SYNJ2: variants seen among roughly 807,000 people sequenced by gnomAD.
SYNJ2 encodes the protein synaptojanin 2.
A neutral mutation model predicts 141.3 loss-of-function variants in SYNJ2; 116 were observed. That is an observed-to-expected ratio of 0.82 (90% CI 0.71 to 0.96). The LOEUF is 0.96. Among genes scored for constraint, SYNJ2 ranks in the 40% least tolerant of loss-of-function variants. SYNJ2 has a pLI of 0.00. For synonymous variants in SYNJ2, 745 were observed against 777.7 expected, an observed-to-expected ratio of 0.96 and a Z score of 0.70; for missense variants, 1,873 against 1,934.8, an observed-to-expected ratio of 0.97 and a Z score of 0.60.
intron 12 of SYNJ2, among the ~76,000 whole-genome samples, chr6:158,068,283 T>C (rs909492110): frequency 2.6e-5 from 4 of 151,550 alleles, no homozygotes; most frequent in Non-Finnish European, 4.4e-5. Flanking sequence ...CCTGGGGAGG[T>C]GGGCCTCTCA....
chr6:158,005,943 T>C (rs1678741701), intron 1 of SYNJ2, among the ~76,000 whole-genome samples: 1 of 152,178 alleles, frequency 6.6e-6, no homozygotes, highest in South Asian at 2.1e-4. Context: ...GTGCTACCTG[T>C]GTGCAGATGC....
chr6:157,992,581 A>G (rs1777490577), intron 1 of SYNJ2, among the ~76,000 whole-genome samples: 4 of 151,822 alleles, frequency 2.6e-5, no homozygotes, highest in Admixed American at 2.6e-4. Context: ...TATTTTTAGT[A>G]GAGACAGGGT....
chr6:158,031,996 G>A (rs988042873), intron 3 of SYNJ2, among the ~76,000 whole-genome samples: 8 of 152,220 alleles, frequency 5.3e-5, no homozygotes, highest in African/African-American at 1.9e-4. Flanking sequence ...TCGGAAGCTG[G>A]CTTATCATCT....
chr6:158,071,364 A>G lies in SYNJ2; in HGVS notation c.1941-238A>G, dbSNP rs1265136999. 6.6e-6 allele frequency among the ~76,000 whole-genome samples: 1 copy of G among 152,108 alleles called. No homozygotes were observed. Among genetic ancestry groups the G allele is most frequent in the African/African-American group, 2.4e-5 (1 of 41,404 alleles). On this transcript the variant is annotated intron_variant, in intron 14 of 26. Coordinates refer to ENST00000355585, the MANE Select transcript of SYNJ2 (RefSeq NM_003898.4). This position sits in a 1 kb window ranked among gnomAD's most constrained non-coding sequence, Gnocchi z 4.3. ...TGTCTTCGGCTTCATGGGGTGCTCA[A>G]GTGAGCACTTCCCAGTTGGGGTGTG...
At chr6:158,008,441 G>C (rs939203050) in intron 1 of SYNJ2, among the ~76,000 whole-genome samples, 18 of 152,216 alleles carry the variant, frequency 1.2e-4, no homozygotes, top group Non-Finnish European at 4.4e-5. Context: ...CAGCTTTCTA[G>C]GTCTTGAGCC....
intron 5 of SYNJ2, among the ~76,000 whole-genome samples, chr6:158,044,217 C>T (rs1780114191): frequency 6.6e-6 from 1 of 152,202 alleles, no homozygotes. Context: ...CTACTGGGGC[C>T]CAGAGTGCCA....
chr6:158,071,738 G>A lies in SYNJ2; in HGVS notation c.2077G>A (p.Val693Met), dbSNP rs1200898132. The A allele has an allele frequency of 6.2e-7, 1 of 1,614,002 alleles. No homozygotes were observed. The highest frequency in any genetic ancestry group is 8.5e-7 in the Non-Finnish European group (1 of 1,180,046). Residue 693 changes from valine (V) to methionine (M), a missense_variant, in exon 15 of 27, where the codon GTG becomes ATG. Transcript: ENST00000355585. This position sits in a 1 kb window ranked among gnomAD's most constrained non-coding sequence, Gnocchi z 4.3. ...TCACCTGACGGCCGGGCAGTCCCAG[G>A]TGAAGGAGCGGAATGAAGACTACAA... is the stretch of plus-strand genomic sequence containing the variant. ...CSHLTAGQSQVKERNEDYKEI... is the reference protein window; with the variant it reads ...CSHLTAGQSQMKERNEDYKEI...
intron 2 of SYNJ2, among the ~76,000 whole-genome samples, chr6:158,023,502 G>A (rs772881710): frequency 2.2e-4 from 33 of 152,146 alleles, no homozygotes; most frequent in African/African-American, 6.5e-4. Context: ...GGTTACACCC[G>A]TCCCACCAAC....
chr6:158,024,670 G>A (rs966724528), intron 2 of SYNJ2, among the ~76,000 whole-genome samples: 8 of 152,228 alleles, frequency 5.3e-5, no homozygotes, highest in Non-Finnish European at 1.2e-4. Context: ...AACACTTGGA[G>A]TTGAGGAACA....
At chr6:157,998,342 G>A (rs1410322787) in intron 1 of SYNJ2, among the ~76,000 whole-genome samples, 2 of 152,250 alleles carry the variant, frequency 1.3e-5, no homozygotes, top group Non-Finnish European at 2.9e-5. Context: ...GAAGCCCCAT[G>A]CCTGGCTTCT....
rs1469637117 is a variant in SYNJ2 at position 158,081,250 on chromosome 6, G to C, written c.2709G>C (p.Glu903Asp). Residue 903 changes from glutamate (E) to aspartate (D), a missense_variant, in exon 19 of 27, where the codon GAG (glutamate) becomes GAC (aspartate). Coordinates refer to ENST00000355585, the MANE Select transcript of SYNJ2 (RefSeq NM_003898.4). ...ACCTTCAATCACCGACCTTAGAAGA[G>C]AAAAACGAGTTTCCAGAGGACCTGC... The part of the protein sequence containing the change: ...VVNLQSPTLE[E>D]KNEFPEDLRT... The C allele has an allele frequency of 6.2e-7, 1 of 1,614,020 alleles. No homozygotes were observed. The highest frequency in any genetic ancestry group is 8.5e-7 in the Non-Finnish European group (1 of 1,180,030).
intron 2 of SYNJ2, among the ~76,000 whole-genome samples, chr6:158,024,909 C>T (rs754122801): frequency 1.1e-4 from 16 of 152,160 alleles, no homozygotes; most frequent in South Asian, 4.1e-4. Context: ...TTTAGTTTTA[C>T]GTGTCAATAT....
Position 158,017,135 on chromosome 6 carries a change from C to T in SYNJ2, c.128-69C>T, listed in dbSNP as rs367735202. On this transcript the variant is annotated intron_variant, in intron 1 of 26. Transcript: ENST00000355585. Reference sequence around the variant, plus strand: ...TGGGTGGGAAGCCAGCTTGGCAAGCCGGGTGTGAATGAACAGGAATGAGCA... The same window carrying T: ...TGGGTGGGAAGCCAGCTTGGCAAGCTGGGTGTGAATGAACAGGAATGAGCA... 77 of 1,552,280 alleles carry T rather than the reference C, an allele frequency of 5.0e-5. 2 individuals carry two copies. In the East Asian group the frequency reaches 1.0e-3, roughly 20 times the overall value.
chr6:158,010,747 G>A (rs545903539), intron 1 of SYNJ2, among the ~76,000 whole-genome samples: 19 of 152,306 alleles, frequency 1.2e-4, no homozygotes, highest in African/African-American at 4.6e-4. Context: ...TGTGACTGCT[G>A]TTCTAAGAAG....
intron 12 of SYNJ2, 177 bp downstream of exon 12, chr6:158,066,812 C>A (rs1412880713): frequency 2.9e-6 from 2 of 691,514 alleles, no homozygotes; most frequent in Non-Finnish European, 4.8e-6. Flanking sequence ...AAGTAACTGA[C>A]CTTTTTCCTT....
chr6:157,998,149 G>C (rs1777705194), intron 1 of SYNJ2, among the ~76,000 whole-genome samples: 1 of 152,230 alleles, frequency 6.6e-6, no homozygotes, highest in Non-Finnish European at 1.5e-5. Flanking sequence ...GGGGAGCGAG[G>C]GGTCTTCCTG....
rs370151649 is a variant in SYNJ2, at chr6:158,037,835, C to T, written c.711+4155C>T. On this transcript the variant is annotated intron_variant, in intron 4 of 26. Coordinates refer to ENST00000355585, the MANE Select transcript of SYNJ2 (RefSeq NM_003898.4). Reference sequence around the variant, plus strand: ...TCACCCTGGGCCGCGGATGCTGGCTCCTGTTAGAGGACTGTGCTTTACAGG... The same window carrying T: ...TCACCCTGGGCCGCGGATGCTGGCTTCTGTTAGAGGACTGTGCTTTACAGG... Among the ~76,000 whole-genome samples, 13 of 152,370 alleles carry T rather than the reference C, an allele frequency of 8.5e-5. No individual in the cohort carries two copies. The East Asian group carries it at 1.2e-3, about 14-fold the overall frequency.
intron 20 of SYNJ2, among the ~76,000 whole-genome samples, chr6:158,081,769 G>A (rs1009850151): frequency 8.6e-5 from 13 of 151,944 alleles, no homozygotes; most frequent in African/African-American, 2.9e-4. Context: ...CCGCAGGCAC[G>A]TGCCACCACA....
intron 25 of SYNJ2, among the ~76,000 whole-genome samples, chr6:158,091,512 G>C (rs1783449054): frequency 6.6e-6 from 1 of 151,614 alleles, no homozygotes; most frequent in African/African-American, 2.4e-5. Context: ...GCTTTGGGAG[G>C]CCGAGGCAGG....
Sources: gnomAD v4.1 joint callset for allele counts (sites outside exome capture counted in the v4.1 genomes callset) on GRCh38, gnomAD v4.1.1 for gene constraint, Gnocchi (gnomAD v3.1) non-coding constraint, MANE v1.5 for transcripts, NCBI Gene and HGNC (gene_info 2026-07-23, HGNC 2026-07-21) for gene names.